The following SUCLG2 variants were observed in gnomAD, a reference collection of about 807,000 sequenced individuals.
The protein encoded by SUCLG2 is succinate-CoA ligase GDP-forming subunit beta, also known as succinate--CoA ligase [GDP-forming] subunit beta, mitochondrial.
In SUCLG2, 42 loss-of-function variants were observed where a neutral mutation model predicts 47.9. The observed-to-expected ratio is 0.88, with a 90% CI of 0.69 to 1.14. SUCLG2 has a LOEUF of 1.14. Ranked by LOEUF, SUCLG2 falls within the 50% of genes most tolerant of loss-of-function variation. The pLI, the probability that SUCLG2 is intolerant of heterozygous loss-of-function variation, is 0.00. For synonymous variants in SUCLG2, 195 were observed against 197.3 expected (o/e 0.99, Z 0.10); for missense variants, 571 against 525.9 (o/e 1.09, Z -0.84).
intron 9 of SUCLG2, among the ~76,000 whole-genome samples, chr3:67,492,624 C>T (rs1226730005): frequency 1.3e-5 from 2 of 152,126 alleles, no homozygotes. Context: ...TTTCTCTCAT[C>T]TCAAGCTCAG....
At chr3:67,430,720 A>G (rs1420687918) in intron 9 of SUCLG2, among the ~76,000 whole-genome samples, 1 of 152,202 alleles carries the variant, frequency 6.6e-6, no homozygotes, top group Admixed American at 6.5e-5. Context: ...TTAATCAAGA[A>G]GAAAAGAGAG....
At chr3:67,554,703 G>T (rs930939260) in intron 2 of SUCLG2, among the ~76,000 whole-genome samples, 2 of 152,148 alleles carry the variant, frequency 1.3e-5, no homozygotes, top group African/African-American at 2.4e-5. Flanking sequence ...GTGAGTTATA[G>T]GGCTGGAGTT....
chr3:67,431,024 C>T (rs1703466029), intron 9 of SUCLG2, among the ~76,000 whole-genome samples: 1 of 152,086 alleles, frequency 6.6e-6, no homozygotes, highest in Non-Finnish European at 1.5e-5. Context: ...ACCAGAGGTA[C>T]AAAAAGGAGC....
chr3:67,591,225 G>A (rs1708155812), intron 2 of SUCLG2, among the ~76,000 whole-genome samples: 1 of 152,168 alleles, frequency 6.6e-6, no homozygotes, highest in Admixed American at 6.5e-5. Flanking sequence ...TAAATCAAGA[G>A]CACAAACAGC....
At chr3:67,407,460 T>C (rs1203579835) in intron 9 of SUCLG2, among the ~76,000 whole-genome samples, 1 of 152,218 alleles carries the variant, frequency 6.6e-6, no homozygotes, top group African/African-American at 2.4e-5. Context: ...AAACAAAACC[T>C]GTTACCTTTA....
Position 67,433,784 on chromosome 3 carries a change from T to C in SUCLG2, c.1063-32933A>G, listed in dbSNP as rs1436495986. On this transcript the variant is annotated intron_variant, in intron 9 of 10. Coordinates refer to ENST00000307227, the MANE Select transcript of SUCLG2 (RefSeq NM_003848.4). The stretch of plus-strand genomic sequence containing the variant: ...CCAGGGTCATATTAGCTAGGAAGTA[T>C]GAGGTGCGGGATTTAGTAAAAAAAA... Among the ~76,000 whole-genome samples, 3 of 151,148 alleles carry C rather than the reference T, an allele frequency of 2.0e-5. No individual in the cohort carries two copies. In the East Asian group the frequency reaches 5.8e-4, roughly 29 times the overall value.
intron 9 of SUCLG2, among the ~76,000 whole-genome samples, chr3:67,453,223 C>CTT (rs5849757): frequency 2.2e-3 from 327 of 150,000 alleles, no homozygotes; most frequent in Admixed American, 5.0e-3. Flanking sequence ...ATTCAGACTT[C>CTT]TTTTTTTTTT....
chr3:67,377,220 C>G (rs1486643714), intron 10 of SUCLG2, among the ~76,000 whole-genome samples: 1 of 152,190 alleles, frequency 6.6e-6, no homozygotes, highest in Non-Finnish European at 1.5e-5. Context: ...AGAGATGGGA[C>G]TTGAACTGTT....
At chr3:67,425,231 A>C (rs1703267557) in intron 9 of SUCLG2, among the ~76,000 whole-genome samples, 1 of 152,216 alleles carries the variant, frequency 6.6e-6, no homozygotes, top group South Asian at 2.1e-4. Flanking sequence ...CATTTTAGGC[A>C]TACAGAATAA....
intron 6 of SUCLG2, among the ~76,000 whole-genome samples, chr3:67,512,461 A>T (rs1705818838): frequency 6.6e-6 from 1 of 150,924 alleles, no homozygotes; most frequent in Admixed American, 6.6e-5. Flanking sequence ...CATCCACTGT[A>T]GTGATACAAC....
chr3:67,362,091 G>A (rs542371231), intron 10 of SUCLG2, among the ~76,000 whole-genome samples: 1 of 152,166 alleles, frequency 6.6e-6, no homozygotes, highest in African/African-American at 2.4e-5. Context: ...CAAAATAAAT[G>A]CTTATTGTTA....
chr3:67,567,336 C>T (rs1274894925), intron 2 of SUCLG2, among the ~76,000 whole-genome samples: 1 of 151,614 alleles, frequency 6.6e-6, no homozygotes, highest in African/African-American at 2.4e-5. Flanking sequence ...GGCTCTGTCA[C>T]CCAGGATAGA....
At chr3:67,527,668 C>G (rs1706291010) in intron 4 of SUCLG2, among the ~76,000 whole-genome samples, 1 of 152,088 alleles carries the variant, frequency 6.6e-6, no homozygotes, top group African/African-American at 2.4e-5. Context: ...GCAATATACC[C>G]CCAGCAATAA....
chr3:67,405,027 C>T lies in SUCLG2; in HGVS notation c.1063-4176G>A, dbSNP rs150178143. Among the ~76,000 whole-genome samples the T allele has an allele frequency of 1.6e-4, 24 of 147,176 alleles. No homozygotes were observed. In the East Asian group the frequency reaches 4.7e-3, roughly 29 times the overall value. On this transcript the variant is annotated intron_variant, in intron 9 of 10. Transcript: ENST00000307227. ...TTAGGTCTATTTAAGTAACCAGAGA[C>T]TCTCCCGGAAGATCCCAAGTGCTTT...
At position 67,485,374 on chromosome 3, in the gene SUCLG2, A is replaced by T. The variant is rs553128222; in HGVS notation, c.1062+10424T>A. Among the ~76,000 whole-genome samples, 62 of 152,244 alleles carry T rather than the reference A, an allele frequency of 4.1e-4. 1 individual carries two copies. The Middle Eastern group carries it at 0.017, about 42-fold the overall frequency. ...CTTACTGTGAAACAAAGCTCTTCAT[A>T]CTTGTTACTATTATATTTGATTTCT... On this transcript the variant is annotated intron_variant, in intron 9 of 10. Transcript: ENST00000307227.
intron 9 of SUCLG2, among the ~76,000 whole-genome samples, chr3:67,475,684 C>T (rs1704729892): frequency 6.6e-6 from 1 of 151,932 alleles, no homozygotes; most frequent in Admixed American, 6.6e-5. Flanking sequence ...GTTCACCTCG[C>T]TTCCGCTGCC....
chr3:67,619,663 T>C lies in SUCLG2; in HGVS notation c.85-10067A>G, dbSNP rs191546669. ...TCGCAAAGATACTGCCTTGTTCTTTTTATCCTAGGTTCAGCAGAAAAGCAG... is the reference window on the plus strand; with the variant it reads ...TCGCAAAGATACTGCCTTGTTCTTTCTATCCTAGGTTCAGCAGAAAAGCAG... On this transcript the variant is annotated intron_variant, in intron 1 of 10. Coordinates refer to ENST00000307227, the MANE Select transcript of SUCLG2 (RefSeq NM_003848.4). Among the ~76,000 whole-genome samples, 62 of 152,300 alleles carry C rather than the reference T, an allele frequency of 4.1e-4. 2 individuals are homozygous for C. In the East Asian group the frequency reaches 0.011, roughly 28 times the overall value.
At chr3:67,545,393 C>T (rs934981887) in intron 2 of SUCLG2, among the ~76,000 whole-genome samples, 2 of 152,188 alleles carry the variant, frequency 1.3e-5, no homozygotes, top group African/African-American at 4.8e-5. Flanking sequence ...ACCACTTTCC[C>T]ATGATACACA....
At chr3:67,383,686 T>G (rs1349380394) in intron 10 of SUCLG2, among the ~76,000 whole-genome samples, 1 of 152,182 alleles carries the variant, frequency 6.6e-6, no homozygotes, top group East Asian at 1.9e-4. Context: ...AAGCAAGGTT[T>G]AGGATCAAGT....
Sources: gnomAD v4.1 joint callset for allele counts (sites outside exome capture counted in the v4.1 genomes callset) on GRCh38, gnomAD v4.1.1 for gene constraint, MANE v1.5 for transcripts, NCBI Gene and HGNC (gene_info 2026-07-23, HGNC 2026-07-21) for gene names.